ASTN2: variants seen among roughly 807,000 people sequenced by gnomAD.
ASTN2 encodes astrotactin 2, also known as astrotactin-2.
ASTN2 carries 54 observed loss-of-function variants against 139.8 expected under a neutral mutation model. The observed-to-expected ratio is 0.39, with a 90% CI of 0.31 to 0.48. ASTN2 has a LOEUF of 0.48. Among genes scored for constraint, ASTN2 ranks in the 20% least tolerant of loss-of-function variants. ASTN2 has a pLI of 0.95. For synonymous variants in ASTN2, 756 were observed against 719.5 expected, an observed-to-expected ratio of 1.05 and a Z score of -0.81; for missense variants, 1,565 against 1,725.1, an observed-to-expected ratio of 0.91 and a Z score of 1.64.
At chr9:116,561,693 C>T (rs1176222025) in intron 19 of ASTN2, among the ~76,000 whole-genome samples, 1 of 152,198 alleles carries the variant, frequency 6.6e-6, no homozygotes, top group African/African-American at 2.4e-5. Flanking sequence ...ATAAAGATCC[C>T]ATCCCTATGA....
intron 19 of ASTN2, among the ~76,000 whole-genome samples, chr9:116,533,261 C>T (rs1017479429): frequency 1.3e-5 from 2 of 152,198 alleles, no homozygotes; most frequent in African/African-American, 4.8e-5. Context: ...GGATTTTGGG[C>T]TGAGACAATG....
intron 13 of ASTN2, among the ~76,000 whole-genome samples, chr9:116,750,924 T>C (rs754984887): frequency 6.6e-6 from 1 of 152,210 alleles, no homozygotes; most frequent in South Asian, 2.1e-4. Context: ...TTTGTTCTTT[T>C]CAAAATTTGA....
At position 116,952,199 on chromosome 9, in the gene ASTN2, C is replaced by T. The variant is rs188997802; in HGVS notation, c.1889+23009G>A. On this transcript the variant is annotated intron_variant, in intron 10 of 22. Coordinates refer to ENST00000313400, the MANE Select transcript of ASTN2 (RefSeq NM_001365068.1). Reference sequence around the variant, plus strand: ...GCAGAAAATAGCCCAACCACCACCACGACTTTATGAATAGTAATGCATGGG... The same window carrying T: ...GCAGAAAATAGCCCAACCACCACCATGACTTTATGAATAGTAATGCATGGG... Among the ~76,000 whole-genome samples the T allele has an allele frequency of 3.3e-5, 5 of 152,308 alleles. No individual in the cohort carries two copies. The South Asian group carries it at 8.3e-4, about 25-fold the overall frequency.
intron 19 of ASTN2, among the ~76,000 whole-genome samples, chr9:116,581,247 A>G (rs1368979725): frequency 6.6e-6 from 1 of 152,134 alleles, no homozygotes; most frequent in Non-Finnish European, 1.5e-5. Flanking sequence ...GGATGGCAAC[A>G]TGGCATTTTG....
chr9:116,561,284 C>T (rs1317093339), intron 19 of ASTN2, among the ~76,000 whole-genome samples: 1 of 152,168 alleles, frequency 6.6e-6, no homozygotes, highest in Non-Finnish European at 1.5e-5. Flanking sequence ...ATGGCTAGAA[C>T]TTAATCATCT....
intron 3 of ASTN2, among the ~76,000 whole-genome samples, chr9:117,160,243 C>G (rs969500265): frequency 3.2e-4 from 49 of 152,086 alleles, no homozygotes; most frequent in African/African-American, 1.2e-3. Context: ...TTCTACAACA[C>G]CATGAAAATC....
rs984895583 is a variant in ASTN2, at chr9:116,878,020, G to A, written c.1890-14287C>T. ...AAACCACAATGGGATACCATCTCAC[G>A]CCAGTCTGAATGGCAGTTTTTAAAA... On this transcript the variant is annotated intron_variant, in intron 10 of 22. Coordinates refer to ENST00000313400, the MANE Select transcript of ASTN2 (RefSeq NM_001365068.1). Among the ~76,000 whole-genome samples the A allele has an allele frequency of 5.3e-5, 8 of 152,252 alleles. No individual in the cohort carries two copies. In the East Asian group the frequency reaches 7.7e-4, roughly 15 times the overall value.
chr9:116,516,853 C>T (rs1850673155), intron 19 of ASTN2, among the ~76,000 whole-genome samples: 1 of 152,192 alleles, frequency 6.6e-6, no homozygotes, highest in Non-Finnish European at 1.5e-5. Flanking sequence ...TGGCTTTCCC[C>T]TACTTCCCTG....
chr9:117,311,865 T>C (rs573748496), intron 1 of ASTN2, among the ~76,000 whole-genome samples: 1 of 152,232 alleles, frequency 6.6e-6, no homozygotes, highest in South Asian at 2.1e-4. Context: ...CCATAGTCTA[T>C]CCCTGTTGAA....
intron 20 of ASTN2, among the ~76,000 whole-genome samples, chr9:116,460,142 C>A (rs981205611): frequency 6.6e-6 from 1 of 152,010 alleles, no homozygotes; most frequent in African/African-American, 2.4e-5. Context: ...GTGAAAGAAT[C>A]CAGACACAAA....
chr9:116,955,727 G>A (rs1015528751), intron 10 of ASTN2, among the ~76,000 whole-genome samples: 4 of 152,132 alleles, frequency 2.6e-5, no homozygotes, highest in African/African-American at 4.8e-5. Context: ...CACCTTTCTG[G>A]GCTTTATTTT....
intron 10 of ASTN2, among the ~76,000 whole-genome samples, chr9:116,929,879 CT>C (rs1834851755): frequency 1.3e-5 from 2 of 152,188 alleles, no homozygotes; most frequent in African/African-American, 4.8e-5. Context: ...GAATACTTCT[CT>C]GATAGGCCAG....
chr9:117,176,887 G>A (rs1446737819), intron 3 of ASTN2, among the ~76,000 whole-genome samples: 3 of 152,188 alleles, frequency 2.0e-5, no homozygotes, highest in African/African-American at 7.2e-5. Flanking sequence ...TCACACCACT[G>A]CACTCTAGCC....
chr9:116,853,723 T>C (rs1832670574), intron 11 of ASTN2, among the ~76,000 whole-genome samples: 1 of 152,208 alleles, frequency 6.6e-6, no homozygotes, highest in Admixed American at 6.5e-5. Context: ...TAAAACAGTG[T>C]GGAGCACCAG....
chr9:116,938,746 T>G (rs1259983708), intron 10 of ASTN2, among the ~76,000 whole-genome samples: 1 of 152,182 alleles, frequency 6.6e-6, no homozygotes. Flanking sequence ...TTCAGACTGA[T>G]AACAATTCAT....
intron 11 of ASTN2, among the ~76,000 whole-genome samples, chr9:116,861,341 A>G (rs1316617575): frequency 6.6e-6 from 1 of 152,118 alleles, no homozygotes; most frequent in Admixed American, 6.6e-5. Flanking sequence ...AGAAAAGAGA[A>G]CTAATGGAAA....
At chr9:117,191,311 G>A (rs1242068679) in intron 3 of ASTN2, among the ~76,000 whole-genome samples, 2 of 149,138 alleles carry the variant, frequency 1.3e-5, no homozygotes, top group African/African-American at 4.9e-5. Flanking sequence ...CATGCATGTT[G>A]AAATACTTAT....
chr9:117,093,697 T>C (rs1828763056), intron 5 of ASTN2, among the ~76,000 whole-genome samples: 2 of 152,094 alleles, frequency 1.3e-5, no homozygotes, highest in African/African-American at 2.4e-5. Context: ...AGACATTGGG[T>C]TCTAAGTTCA....
intron 19 of ASTN2, among the ~76,000 whole-genome samples, chr9:116,503,961 A>C (rs1849998741): frequency 6.6e-6 from 1 of 152,080 alleles, no homozygotes; most frequent in African/African-American, 2.4e-5. Flanking sequence ...CATAGTCCCA[A>C]AGCTGACTTC....
Sources: gnomAD v4.1 joint callset for allele counts (sites outside exome capture counted in the v4.1 genomes callset) on GRCh38, gnomAD v4.1.1 for gene constraint, MANE v1.5 for transcripts, NCBI Gene and HGNC (gene_info 2026-07-23, HGNC 2026-07-21) for gene names.